The following PEPD variants were observed in gnomAD, a reference collection of about 807,000 sequenced individuals.
The protein encoded by PEPD is peptidase D.
A neutral mutation model predicts 60.7 loss-of-function variants in PEPD; 53 were observed. The observed-to-expected ratio is 0.87, with a 90% CI of 0.70 to 1.10. The LOEUF is 1.10. Among genes scored for constraint, PEPD ranks in the 50% least tolerant of loss-of-function variants. The probability of loss-of-function intolerance (pLI) is 0.00; values close to 1 mark genes in which losing one functional copy is unlikely to be tolerated. For synonymous variants in PEPD, 267 were observed against 284.1 expected (o/e 0.94, Z 0.60); for missense variants, 711 against 711.9 (o/e 1.00, Z 0.01).
At position 33,431,909 on chromosome 19, in the gene PEPD, C is replaced by T. The variant is rs1029269035; in HGVS notation, c.672-18266G>A. Among the ~76,000 whole-genome samples the T allele has an allele frequency of 2.7e-5, 4 of 147,678 alleles. No homozygotes were observed. In the East Asian group the frequency reaches 7.9e-4, roughly 29 times the overall value. ...TCGGGAGGCTGAGGCAGGAGAATCG[C>T]TTGAACCTGGGAGGCGGAGGCTGCA... On this transcript the variant is annotated intron_variant, in intron 9 of 14. Coordinates refer to ENST00000244137, the MANE Select transcript of PEPD (RefSeq NM_000285.4).
chr19:33,452,726 C>T (rs1413233745), intron 9 of PEPD, among the ~76,000 whole-genome samples: 1 of 152,158 alleles, frequency 6.6e-6, no homozygotes, highest in African/African-American at 2.4e-5. Flanking sequence ...GGAAAACATA[C>T]TTACTGACTC....
chr19:33,398,062 A>C (rs1465772536), intron 12 of PEPD, among the ~76,000 whole-genome samples: 2 of 152,126 alleles, frequency 1.3e-5, no homozygotes, highest in Non-Finnish European at 2.9e-5. Flanking sequence ...TCAGCACAGG[A>C]GACTGAGGGG....
intron 7 of PEPD, 37 bp from the exon 8 acceptor site, chr19:33,464,099 C>T: frequency 1.3e-6 from 2 of 1,497,542 alleles, no homozygotes; most frequent in Non-Finnish European, 1.9e-6. Flanking sequence ...AAATCAGTGA[C>T]TTTCAGGAGG....
In PEPD at chr19:33,398,293, C is replaced by T. The variant is rs533634432; in HGVS notation, c.967+3428G>A. Among the ~76,000 whole-genome samples the T allele has an allele frequency of 8.5e-5, 13 of 152,356 alleles. No individual in the cohort carries two copies. The South Asian group carries it at 2.5e-3, about 29-fold the overall frequency. On this transcript the variant is annotated intron_variant, in intron 12 of 14. Coordinates refer to ENST00000244137, the MANE Select transcript of PEPD (RefSeq NM_000285.4). ...CACAGGCTGCAAAGCTCTGCTTCGC[C>T]GCTGGGAGGCTCAGCCCCTTGCAGC...
chr19:33,436,589 G>C (rs1226799849), intron 9 of PEPD, among the ~76,000 whole-genome samples: 1 of 152,238 alleles, frequency 6.6e-6, no homozygotes, highest in Non-Finnish European at 1.5e-5. Flanking sequence ...GGTCCTGCCA[G>C]GAAGGTCCTC....
At chr19:33,487,897 C>T (rs918777965) in intron 6 of PEPD, among the ~76,000 whole-genome samples, 7 of 151,974 alleles carry the variant, frequency 4.6e-5, no homozygotes, top group Admixed American at 6.5e-5. Flanking sequence ...GGGGGTAGAA[C>T]GAGACCTTTG....
At position 33,394,364 on chromosome 19, in the gene PEPD, C is replaced by A. The variant is rs181855976; in HGVS notation, c.968-2885G>T. On this transcript the variant is annotated intron_variant, in intron 12 of 14. Coordinates refer to ENST00000244137, the MANE Select transcript of PEPD (RefSeq NM_000285.4). Reference sequence around the variant, plus strand: ...AATCATGCTCTGCGGTGGCCCTTCCCGGGGGCAGGCCCGGCGCCGCCCAGA... The same window carrying A: ...AATCATGCTCTGCGGTGGCCCTTCCAGGGGGCAGGCCCGGCGCCGCCCAGA... Among the ~76,000 whole-genome samples the A allele has an allele frequency of 4.2e-3, 639 of 152,360 alleles. 4 individuals carry two copies. Among genetic ancestry groups the A allele is most frequent in the African/African-American group, 0.015 (626 of 41,590 alleles).
chr19:33,437,147 C>G (rs547973931), intron 9 of PEPD, among the ~76,000 whole-genome samples: 2 of 152,164 alleles, frequency 1.3e-5, no homozygotes, highest in African/African-American at 4.8e-5. Flanking sequence ...CACACCACCC[C>G]CAACCACCGG....
At chr19:33,499,194 T>C (rs190256050) in intron 4 of PEPD, among the ~76,000 whole-genome samples, 2 of 152,174 alleles carry the variant, frequency 1.3e-5, no homozygotes, top group African/African-American at 2.4e-5. Flanking sequence ...ACATGTGTAT[T>C]GACAGAATCT....
At chr19:33,484,256 ACT>A (rs1347400278) in intron 6 of PEPD, among the ~76,000 whole-genome samples, 1 of 152,086 alleles carries the variant, frequency 6.6e-6, no homozygotes, top group African/African-American at 2.4e-5. Context: ...TACAAAATAG[ACT>A]CTGGCTCCCA....
intron 3 of PEPD, among the ~76,000 whole-genome samples, chr19:33,504,378 G>A (rs1970762447): frequency 6.6e-6 from 1 of 152,224 alleles, no homozygotes; most frequent in African/African-American, 2.4e-5. Context: ...GCCACTCAGA[G>A]GGAGGGCCTG....
chr19:33,464,136 C>T, intron 7 of PEPD, 74 bp from the exon 8 acceptor site: 1 of 1,071,802 alleles, frequency 9.3e-7, no homozygotes, highest in East Asian at 2.4e-5. Flanking sequence ...CCAGGGAGAG[C>T]TCAGGGCCTA....
At chr19:33,427,579 A>G (rs976924873) in intron 9 of PEPD, among the ~76,000 whole-genome samples, 2 of 152,228 alleles carry the variant, frequency 1.3e-5, no homozygotes, top group African/African-American at 4.8e-5. Context: ...TGCAAATTCA[A>G]CTTTGGGGTA....
chr19:33,468,005 A>G (rs1036712852), intron 7 of PEPD, among the ~76,000 whole-genome samples: 6 of 152,116 alleles, frequency 3.9e-5, no homozygotes, highest in African/African-American at 1.4e-4. Flanking sequence ...GTAAACACAC[A>G]ATGATGGAGT....
At chr19:33,489,376 C>A (rs534076362) in intron 6 of PEPD, among the ~76,000 whole-genome samples, 1 of 152,272 alleles carries the variant, frequency 6.6e-6, no homozygotes, top group East Asian at 1.9e-4. Flanking sequence ...CATCTGTAAT[C>A]CCAGCAGTGT....
At chr19:33,427,178 A>G (rs1969169883) in intron 9 of PEPD, among the ~76,000 whole-genome samples, 1 of 152,222 alleles carries the variant, frequency 6.6e-6, no homozygotes, top group Non-Finnish European at 1.5e-5. Flanking sequence ...CCGCCCCTAC[A>G]GAGAGCAGCC....
rs775762517 is a variant in PEPD, at chr19:33,479,925, G to GTA, written c.504-1837_504-1836dup. ...TAGAACAATTTATATTCCTTTGGGT[G>GTA]TATACTCAGTAACGGGATTGCTGGG... On this transcript the variant is annotated intron_variant, in intron 6 of 14. Transcript: ENST00000244137. Among the ~76,000 whole-genome samples, 186 of 152,316 alleles carry GTA rather than the reference G, an allele frequency of 1.2e-3. 1 individual carries two copies. The highest frequency in any genetic ancestry group is 4.9e-4 in the Non-Finnish European group (33 of 68,032).
chr19:33,417,306 T>C (rs1398560419), intron 9 of PEPD, among the ~76,000 whole-genome samples: 1 of 152,006 alleles, frequency 6.6e-6, no homozygotes, highest in Non-Finnish European at 1.5e-5. Flanking sequence ...AACAGAAGCT[T>C]GGGAGTGAAA....
chr19:33,402,516 G>A (rs1968521554), intron 11 of PEPD, among the ~76,000 whole-genome samples: 3 of 152,218 alleles, frequency 2.0e-5, no homozygotes, highest in South Asian at 4.1e-4. Flanking sequence ...CTAGCTGGAG[G>A]GGTGTGCCCG....
Sources: gnomAD v4.1 joint callset for allele counts (sites outside exome capture counted in the v4.1 genomes callset) on GRCh38, gnomAD v4.1.1 for gene constraint, MANE v1.5 for transcripts, NCBI Gene and HGNC (gene_info 2026-07-23, HGNC 2026-07-21) for gene names.